PEPD: variants seen among roughly 807,000 people sequenced by gnomAD.
PEPD encodes xaa-Pro dipeptidase.
In PEPD, 53 loss-of-function variants were observed where a neutral mutation model predicts 60.7. The observed-to-expected ratio is 0.87, with a 90% CI of 0.70 to 1.10. PEPD has a LOEUF of 1.10. Among genes scored for constraint, PEPD ranks in the 50% least tolerant of loss-of-function variants. The pLI is 0.00. For missense variants in PEPD, 711 were observed against 711.9 expected (o/e 1.00, Z 0.01); for synonymous variants, 267 against 284.1 (o/e 0.94, Z 0.60).
chr19:33,396,206 T>C (rs1968355956), intron 12 of PEPD: 1 of 152,390 alleles, frequency 6.6e-6, no homozygotes, highest in East Asian at 1.9e-4. Context: ...GCCATGCCTA[T>C]CTGCCTGAGC....
At chr19:33,393,380 G>C (rs531382845) in intron 12 of PEPD, among the ~76,000 whole-genome samples, 103 of 152,116 alleles carry the variant, frequency 6.8e-4, no homozygotes, top group African/African-American at 2.4e-3. Context: ...GCAGCCCTGG[G>C]CACACACACC....
intron 11 of PEPD, among the ~76,000 whole-genome samples, chr19:33,408,375 G>A (rs1037867229): frequency 6.6e-6 from 1 of 152,258 alleles, no homozygotes; most frequent in African/African-American, 2.4e-5. Context: ...GAGGGCCCAC[G>A]CTGTGCCAGG....
intron 9 of PEPD, among the ~76,000 whole-genome samples, chr19:33,460,361 G>A (rs1210892364): frequency 3.3e-5 from 5 of 152,150 alleles, no homozygotes; most frequent in South Asian, 4.1e-4. Flanking sequence ...AGCTCGAGGC[G>A]GAAGAAGTGT....
At chr19:33,508,733 G>A (rs959127621) in intron 3 of PEPD, among the ~76,000 whole-genome samples, 8 of 152,222 alleles carry the variant, frequency 5.3e-5, no homozygotes, top group South Asian at 2.1e-4. Context: ...AGCCTCAGAC[G>A]TCACACAGCA....
chr19:33,408,482 C>T (rs183031854), intron 11 of PEPD, among the ~76,000 whole-genome samples: 83 of 152,306 alleles, frequency 5.4e-4, no homozygotes, highest in African/African-American at 1.8e-3. Context: ...CATGTGTGTG[C>T]GTGTTGGGGG....
At chr19:33,407,237 G>GTGGGGTGAGCCTCTCCAGGACC (rs1968648780) in intron 11 of PEPD, among the ~76,000 whole-genome samples, 1 of 152,246 alleles carries the variant, frequency 6.6e-6, no homozygotes, top group Non-Finnish European at 1.5e-5. Context: ...CCTCTGCCCT[G>GTGGGGTGAGCCTCTCCAGGACC]TGGGGTGAGC....
chr19:33,458,643 TG>T (rs1969865100), intron 9 of PEPD, among the ~76,000 whole-genome samples: 1 of 141,066 alleles, frequency 7.1e-6, no homozygotes, highest in Non-Finnish European at 1.6e-5. Flanking sequence ...GCGTGTGTGT[TG>T]TGTGTGGTAT....
chr19:33,404,654 C>A (rs1259079932), intron 11 of PEPD, among the ~76,000 whole-genome samples: 1 of 152,174 alleles, frequency 6.6e-6, no homozygotes, highest in Non-Finnish European at 1.5e-5. Flanking sequence ...CTTTATCTTC[C>A]AGCTTGTAGA....
intron 11 of PEPD, among the ~76,000 whole-genome samples, chr19:33,408,183 C>G (rs186198118): frequency 6.6e-6 from 1 of 152,214 alleles, no homozygotes. Flanking sequence ...ACTTTTGGGT[C>G]GAAGACACGG....
At position 33,512,645 on chromosome 19, in the gene PEPD, C is replaced by T; in HGVS notation, c.149G>A (p.Gly50Asp). 6.2e-7 allele frequency: 1 copy of T among 1,613,980 alleles called. No individual in the cohort carries two copies. Among genetic ancestry groups the T allele is most frequent in the Non-Finnish European group, 8.5e-7 (1 of 1,179,976 alleles). ...GCAGTAGCGCTGAGTCTCCTCCCCGCCCTGCAGGACCACGATGGAGCCGGC... is the reference window on the plus strand; with the variant it reads ...GCAGTAGCGCTGAGTCTCCTCCCCGTCCTGCAGGACCACGATGGAGCCGGC... ...VQAGSIVVLQGGEETQRYCTD... is the reference protein window; with the variant it reads ...VQAGSIVVLQDGEETQRYCTD... The change falls in exon 2 of 15, where the codon GGC becomes GAC. Residue 50 changes from glycine (G) to aspartate (D), a missense_variant. Coordinates refer to ENST00000244137, the MANE Select transcript of PEPD (RefSeq NM_000285.4).
intron 9 of PEPD, among the ~76,000 whole-genome samples, chr19:33,436,687 C>T (rs548036645): frequency 6.6e-6 from 1 of 152,264 alleles, no homozygotes; most frequent in African/African-American, 2.4e-5. Context: ...GCAATCACCT[C>T]ATGGGCACTG....
At chr19:33,419,595 A>G (rs1456745098) in intron 9 of PEPD, among the ~76,000 whole-genome samples, 1 of 152,164 alleles carries the variant, frequency 6.6e-6, no homozygotes, top group East Asian at 1.9e-4. Flanking sequence ...TGCCTCTGAA[A>G]CCTCAGGTCT....
chr19:33,486,122 A>C (rs1970393377), intron 6 of PEPD, among the ~76,000 whole-genome samples: 2 of 152,068 alleles, frequency 1.3e-5, no homozygotes, highest in African/African-American at 4.8e-5. Context: ...TCAGAGATCT[A>C]CCATGTCTGA....
chr19:33,412,010 C>T (rs1416243533), intron 10 of PEPD, among the ~76,000 whole-genome samples: 6 of 152,360 alleles, frequency 3.9e-5, no homozygotes, highest in Admixed American at 3.9e-4. Context: ...GGCGGCTGCC[C>T]TCTGGGCTGG....
intron 9 of PEPD, among the ~76,000 whole-genome samples, chr19:33,430,260 G>T (rs1306485150): frequency 3.9e-5 from 6 of 152,216 alleles, no homozygotes; most frequent in African/African-American, 1.2e-4. Flanking sequence ...TGGGCTTTGG[G>T]CATCAACATT....
intron 13 of PEPD, chr19:33,388,353 G>A (rs1337341074): frequency 1.9e-5 from 12 of 622,946 alleles, no homozygotes; most frequent in East Asian, 1.1e-4. Context: ...GCACACACCC[G>A]GGGCAAGCTG....
At chr19:33,415,159 G>T (rs1968862070) in intron 9 of PEPD, among the ~76,000 whole-genome samples, 1 of 152,158 alleles carries the variant, frequency 6.6e-6, no homozygotes, top group Admixed American at 6.5e-5. Flanking sequence ...GTGGAACAGG[G>T]GTGCTCCCTT....
intron 9 of PEPD, among the ~76,000 whole-genome samples, chr19:33,456,477 C>T (rs1969803114): frequency 6.6e-6 from 1 of 152,186 alleles, no homozygotes; most frequent in Admixed American, 6.5e-5. Context: ...TAGGCTGGGG[C>T]CCGTCTCCAA....
chr19:33,478,396 G>A (rs1970260714), intron 6 of PEPD, among the ~76,000 whole-genome samples: 1 of 152,112 alleles, frequency 6.6e-6, no homozygotes, highest in African/African-American at 2.4e-5. Context: ...CACAATAGGA[G>A]TACCAGAAGG....
Sources: allele counts gnomAD v4.1 joint callset (sites outside exome capture counted in the v4.1 genomes callset), GRCh38; gene constraint gnomAD v4.1.1; transcripts MANE v1.5; gene names NCBI Gene and HGNC (gene_info 2026-07-23, HGNC 2026-07-21).